The following ASTN2 variants were observed in gnomAD, a reference collection of about 807,000 sequenced individuals.
The protein encoded by ASTN2 is astrotactin 2.
ASTN2 carries 54 observed loss-of-function variants against 139.8 expected under a neutral mutation model. That is an observed-to-expected ratio of 0.39 (90% confidence interval 0.31 to 0.48). The LOEUF (loss-of-function observed/expected upper bound fraction) is 0.48. Ranked by LOEUF, ASTN2 falls within the 20% of genes least tolerant of loss-of-function variation. The probability of loss-of-function intolerance (pLI) is 0.95; values close to 1 mark genes in which losing one functional copy is unlikely to be tolerated. For missense variants in ASTN2, 1,565 were observed against 1,725.1 expected (o/e 0.91, Z 1.64); for synonymous variants, 756 against 719.5 (o/e 1.05, Z -0.81).
chr9:116,671,970 CTG>C (rs1252483553), intron 16 of ASTN2, among the ~76,000 whole-genome samples: 1 of 152,092 alleles, frequency 6.6e-6, no homozygotes, highest in African/African-American at 2.4e-5. Context: ...CTCACAAAAA[CTG>C]TGAGAGGGGA....
intron 7 of ASTN2, among the ~76,000 whole-genome samples, chr9:116,983,335 G>A (rs924679958): frequency 1.3e-5 from 2 of 152,168 alleles, no homozygotes; most frequent in African/African-American, 2.4e-5. Flanking sequence ...GCTAAAAGTG[G>A]TATGTGACAT....
chr9:117,118,642 T>C (rs1276271874), intron 4 of ASTN2, among the ~76,000 whole-genome samples: 1 of 152,172 alleles, frequency 6.6e-6, no homozygotes, highest in Non-Finnish European at 1.5e-5. Context: ...TGGATGCTCA[T>C]CAGCTGTAAA....
intron 1 of ASTN2, among the ~76,000 whole-genome samples, chr9:117,362,212 G>T (rs1222528648): frequency 1.3e-5 from 2 of 152,174 alleles, no homozygotes; most frequent in Admixed American, 1.3e-4. Context: ...GATCTCAGGT[G>T]ATATAACTAC....
intron 16 of ASTN2, among the ~76,000 whole-genome samples, chr9:116,667,551 C>T (rs74715051): frequency 0.12 from 17,775 of 152,080 alleles, 1,188 homozygotes; most frequent in Middle Eastern, 0.18. Flanking sequence ...ATTTATTATA[C>T]CATTTTCTCT....
chr9:117,124,091 C>G (rs112648400), intron 4 of ASTN2, among the ~76,000 whole-genome samples: 1 of 152,152 alleles, frequency 6.6e-6, no homozygotes, highest in African/African-American at 2.4e-5. Context: ...AGCCACGCCC[C>G]CTTCTCCAGG....
At chr9:117,370,854 C>T (rs556499436) in intron 1 of ASTN2, among the ~76,000 whole-genome samples, 2 of 152,216 alleles carry the variant, frequency 1.3e-5, no homozygotes, top group South Asian at 4.1e-4. Context: ...GGGATACAGG[C>T]ATGAGCCACA....
intron 13 of ASTN2, among the ~76,000 whole-genome samples, chr9:116,775,833 A>AAGGCAGGC (rs138579572): frequency 2.5e-4 from 38 of 149,160 alleles, no homozygotes; most frequent in African/African-American, 1.8e-4. Flanking sequence ...GAAAGGAAGG[A>AAGGCAGGC]AGGCAGGCAG....
intron 3 of ASTN2, among the ~76,000 whole-genome samples, chr9:117,145,572 C>T (rs896469007): frequency 1.3e-5 from 2 of 152,172 alleles, no homozygotes; most frequent in African/African-American, 4.8e-5. Context: ...GCCCAGTGTC[C>T]CTTTTCCACA....
chr9:117,262,612 T>G (rs1833851347), intron 2 of ASTN2, among the ~76,000 whole-genome samples: 1 of 152,080 alleles, frequency 6.6e-6, no homozygotes, highest in Non-Finnish European at 1.5e-5. Flanking sequence ...TTTTAGGGTT[T>G]GTATTAACAG....
chr9:116,684,732 C>T (rs1860093651), intron 16 of ASTN2, among the ~76,000 whole-genome samples: 1 of 152,174 alleles, frequency 6.6e-6, no homozygotes, highest in Non-Finnish European at 1.5e-5. Flanking sequence ...AAGAAGAACC[C>T]AGAGCAATCG....
At chr9:117,169,903 G>A (rs1202886163) in intron 3 of ASTN2, among the ~76,000 whole-genome samples, 2 of 152,094 alleles carry the variant, frequency 1.3e-5, no homozygotes, top group East Asian at 1.9e-4. Flanking sequence ...CTTTGGGAAC[G>A]GCATAACAGA....
At chr9:117,355,958 G>A (rs944071111) in intron 1 of ASTN2, among the ~76,000 whole-genome samples, 1 of 152,188 alleles carries the variant, frequency 6.6e-6, no homozygotes, top group Non-Finnish European at 1.5e-5. Flanking sequence ...CTACACTGGA[G>A]ATCAGGGGAC....
chr9:117,317,415 C>G (rs140633037), intron 1 of ASTN2, among the ~76,000 whole-genome samples: 1 of 152,092 alleles, frequency 6.6e-6, no homozygotes, highest in Non-Finnish European at 1.5e-5. Context: ...TCAGCAGAGC[C>G]CGACAATGCC....
At chr9:117,237,927 TGG>T (rs955389410) in intron 2 of ASTN2, among the ~76,000 whole-genome samples, 31 of 152,304 alleles carry the variant, frequency 2.0e-4, no homozygotes, top group African/African-American at 7.2e-4. Flanking sequence ...TACTCATAGA[TGG>T]CTGCTGCTCT....
intron 1 of ASTN2, among the ~76,000 whole-genome samples, chr9:117,407,318 G>T (rs946336485): frequency 6.6e-6 from 1 of 152,168 alleles, no homozygotes; most frequent in African/African-American, 2.4e-5. Flanking sequence ...ACAAGAGGAT[G>T]GCCATTATCA....
intron 5 of ASTN2, among the ~76,000 whole-genome samples, chr9:117,086,620 A>C (rs886364242): frequency 2.6e-5 from 4 of 152,096 alleles, no homozygotes; most frequent in African/African-American, 9.7e-5. Flanking sequence ...TAGGACTTCC[A>C]GTGATTTCAT....
chr9:116,438,543 G>A (rs1387765037), intron 22 of ASTN2, among the ~76,000 whole-genome samples: 1 of 152,026 alleles, frequency 6.6e-6, no homozygotes, highest in Non-Finnish European at 1.5e-5. Context: ...AGGATTTTAG[G>A]TGGTACTCAA....
At chr9:116,766,664 C>G (rs984398549) in intron 13 of ASTN2, among the ~76,000 whole-genome samples, 2 of 152,136 alleles carry the variant, frequency 1.3e-5, no homozygotes, top group Non-Finnish European at 2.9e-5. Context: ...CACTCACATA[C>G]ACAAATACAC....
intron 10 of ASTN2, among the ~76,000 whole-genome samples, chr9:116,951,829 A>T (rs1161156049): frequency 2.2e-5 from 3 of 138,724 alleles, no homozygotes; most frequent in East Asian, 1.9e-4. Flanking sequence ...ATTGCATTTT[A>T]AAAAATCCCT....
Sources: gnomAD v4.1 joint callset for allele counts (sites outside exome capture counted in the v4.1 genomes callset) on GRCh38, gnomAD v4.1.1 for gene constraint, MANE v1.5 for transcripts, NCBI Gene and HGNC (gene_info 2026-07-23, HGNC 2026-07-21) for gene names.